TXNDC8: variants seen among roughly 807,000 people sequenced by gnomAD.
The protein encoded by TXNDC8 is thioredoxin domain containing 8.
In TXNDC8, 15 loss-of-function variants were observed where a neutral mutation model predicts 12.9. The ratio of observed to expected loss-of-function variants is 1.16; its 90% confidence interval spans 0.78 to 1.79. TXNDC8 has a LOEUF of 1.79. TXNDC8 is among the 40% of genes most tolerant of loss of function. The pLI is 0.00. For missense variants in TXNDC8, 128 were observed against 113.2 expected (o/e 1.13, Z -0.59); for synonymous variants, 40 against 35.4 (o/e 1.13, Z -0.46).
At chr9:110,317,782 G>A (rs1481005811) in intron 3 of TXNDC8, among the ~76,000 whole-genome samples, 2 of 152,198 alleles carry the variant, frequency 1.3e-5, no homozygotes, top group African/African-American at 4.8e-5. Context: ...GATTAGCCAC[G>A]TGACTCCTTG....
intron 3 of TXNDC8, among the ~76,000 whole-genome samples, chr9:110,305,017 G>A (rs1410028397): frequency 6.6e-6 from 1 of 151,776 alleles, no homozygotes; most frequent in Admixed American, 6.6e-5. Context: ...GCGTGGTGGT[G>A]TGCACCTGTA....
Position 110,337,859 on chromosome 9 carries a change from CT to C in TXNDC8, c.-64del. The C allele has an allele frequency of 6.7e-7, 1 of 1,499,206 alleles. No individual in the cohort carries two copies. Among genetic ancestry groups the C allele is most frequent in the Non-Finnish European group, 9.3e-7 (1 of 1,080,118 alleles). 92.9% of individuals were successfully genotyped at this position (1,499,206 alleles called of 1,614,324 possible). On this transcript the variant is annotated 5_prime_UTR_variant, in exon 1 of 5. Coordinates refer to ENST00000423740, the MANE Select transcript of TXNDC8 (RefSeq NM_001286946.2). ...GGTTTAGTTGGATCACTGTAGCTGT[CT>C]CCTATTTATTACAGTATCCTGCCTG... is the stretch of plus-strand genomic sequence containing the variant.
intron 3 of TXNDC8, among the ~76,000 whole-genome samples, chr9:110,314,309 C>T (rs778536264): frequency 3.3e-5 from 5 of 152,202 alleles, no homozygotes; most frequent in Non-Finnish European, 7.3e-5. Context: ...TGTATAAAAC[C>T]AAGCTGTGCT....
chr9:110,308,474 T>TTTTG, intron 3 of TXNDC8, among the ~76,000 whole-genome samples: 1 of 152,060 alleles, frequency 6.6e-6, no homozygotes. Flanking sequence ...TGTTTTTTTT[T>TTTTG]TTGTTGTTGT....
At chr9:110,325,019 G>C (rs1301442758) in intron 3 of TXNDC8, among the ~76,000 whole-genome samples, 1 of 152,148 alleles carries the variant, frequency 6.6e-6, no homozygotes, top group South Asian at 2.1e-4. Flanking sequence ...GGCTGAAGTA[G>C]GAAAATAGCT....
At chr9:110,310,859 G>GC (rs1838639281) in intron 3 of TXNDC8, among the ~76,000 whole-genome samples, 1 of 152,178 alleles carries the variant, frequency 6.6e-6, no homozygotes, top group Non-Finnish European at 1.5e-5. Flanking sequence ...TATAAACCCA[G>GC]CCCAAAACAG....
chr9:110,303,848 G>A (rs754501051), intron 4 of TXNDC8: 19 of 687,024 alleles, frequency 2.8e-5, no homozygotes, highest in East Asian at 1.5e-4. Context: ...GATCTAAAAC[G>A]TATAATAATC....
intron 3 of TXNDC8, among the ~76,000 whole-genome samples, chr9:110,315,085 G>A (rs1212859313): frequency 6.6e-6 from 1 of 152,018 alleles, no homozygotes; most frequent in African/African-American, 2.4e-5. Context: ...CCCTGCATTT[G>A]CCCATCATCC....
intron 3 of TXNDC8, among the ~76,000 whole-genome samples, chr9:110,318,551 A>G (rs1838970056): frequency 6.6e-6 from 1 of 152,148 alleles, no homozygotes; most frequent in Admixed American, 6.5e-5. Context: ...CCTGCCTAAC[A>G]CGATGAAACC....
chr9:110,309,088 A>C (rs565788492), intron 3 of TXNDC8, among the ~76,000 whole-genome samples: 1 of 152,310 alleles, frequency 6.6e-6, no homozygotes, highest in South Asian at 2.1e-4. Context: ...TCCTAATTCT[A>C]GTTCAGATAT....
At chr9:110,330,463 C>T (rs974028232) in intron 2 of TXNDC8, among the ~76,000 whole-genome samples, 1 of 152,216 alleles carries the variant, frequency 6.6e-6, no homozygotes, top group Non-Finnish European at 1.5e-5. Context: ...GCCTCAGCTT[C>T]CTTTTTGAGG....
chr9:110,327,560 C>T (rs1014318691), intron 2 of TXNDC8, among the ~76,000 whole-genome samples: 4 of 152,046 alleles, frequency 2.6e-5, no homozygotes, highest in Non-Finnish European at 4.4e-5. Context: ...TGACCTCAAG[C>T]GATCCACCCA....
At chr9:110,303,742 T>G in intron 4 of TXNDC8, 159 bp from the exon 6 acceptor site, 1 of 1,509,334 alleles carries the variant, frequency 6.6e-7, no homozygotes, top group Non-Finnish European at 8.9e-7. Context: ...ACACATTAAA[T>G]TCATAATATT....
At chr9:110,330,408 C>T (rs1436977012) in intron 2 of TXNDC8, among the ~76,000 whole-genome samples, 1 of 152,188 alleles carries the variant, frequency 6.6e-6, no homozygotes, top group Non-Finnish European at 1.5e-5. Context: ...ATTGGACTCT[C>T]CACAGCAGTT....
At chr9:110,335,263 G>A (rs1311073641) in intron 1 of TXNDC8, among the ~76,000 whole-genome samples, 1 of 151,730 alleles carries the variant, frequency 6.6e-6, no homozygotes, top group Non-Finnish European at 1.5e-5. Flanking sequence ...TTGGTGACAG[G>A]GTCTGGCTGT....
intron 3 of TXNDC8, among the ~76,000 whole-genome samples, chr9:110,308,598 C>T (rs1185978418): frequency 1.3e-5 from 2 of 152,028 alleles, no homozygotes; most frequent in Non-Finnish European, 2.9e-5. Context: ...GGCTAAAATT[C>T]CTTGCAGCTG....
intron 3 of TXNDC8, among the ~76,000 whole-genome samples, chr9:110,307,249 G>A (rs1838504658): frequency 6.6e-6 from 1 of 151,974 alleles, no homozygotes; most frequent in South Asian, 2.1e-4. Context: ...CACTGTGCCT[G>A]GCTTTATAGT....
chr9:110,337,695 C>T, intron 1 of TXNDC8, 78 bp downstream of exon 1: 1 of 1,348,488 alleles, frequency 7.4e-7, no homozygotes, highest in Non-Finnish European at 1.1e-6. Context: ...ATAGAGAGAA[C>T]ACATTCTTAA....
intron 2 of TXNDC8, among the ~76,000 whole-genome samples, chr9:110,327,616 C>T (rs1460979372): frequency 6.6e-6 from 1 of 152,094 alleles, no homozygotes; most frequent in South Asian, 2.1e-4. Context: ...AGCCACTGTG[C>T]CTGGCCAAAG....
Sources: allele counts gnomAD v4.1 joint callset (sites outside exome capture counted in the v4.1 genomes callset), GRCh38; gene constraint gnomAD v4.1.1; transcripts MANE v1.5; gene names NCBI Gene and HGNC (gene_info 2026-07-23, HGNC 2026-07-21).